Variants in DCLK1 observed in about 807,000 individuals in gnomAD.
DCLK1 encodes the protein doublecortin like kinase 1.
Under a neutral mutation model 86.2 loss-of-function variants are expected in DCLK1, and 16 were observed. The ratio of observed to expected loss-of-function variants is 0.19; its 90% CI spans 0.13 to 0.28. DCLK1 has a LOEUF of 0.28. Among genes scored for constraint, DCLK1 ranks in the 10% least tolerant of loss-of-function variants. The pLI, the probability that DCLK1 is intolerant of heterozygous loss-of-function variation, is 1.00. For synonymous variants in DCLK1, 369 were observed against 370.5 expected (o/e 1.00, Z 0.05); for missense variants, 590 against 940.2 (o/e 0.63, Z 4.87).
At chr13:35,854,675 A>G in intron 5 of DCLK1, 82 bp from the exon 6 acceptor site, 1 of 1,275,548 alleles carries the variant, frequency 7.8e-7, no homozygotes, top group South Asian at 1.6e-5. Context: ...CAAGAAATAA[A>G]CAATTATATA....
chr13:35,769,503 G>A lies in DCLK1; in HGVS notation c.*5032C>T, dbSNP rs1011399875. On this transcript the variant is annotated 3_prime_UTR_variant, in exon 17 of 17. Transcript: ENST00000360631. ...TATCGAGGATATGACTATAACCTTG[G>A]ACCAGTTTCAATTTCTTTTTATTTT... The A allele has an allele frequency of 6.6e-6, 1 of 151,860 alleles. No individual in the cohort carries two copies. Among genetic ancestry groups the A allele is most frequent in the Non-Finnish European group, 1.5e-5 (1 of 67,972 alleles). 9.4% of individuals were successfully genotyped at this position (151,860 alleles called of 1,614,324 possible).
At chr13:36,117,050 C>T (rs931921991) in intron 2 of DCLK1, among the ~76,000 whole-genome samples, 6 of 151,888 alleles carry the variant, frequency 4.0e-5, no homozygotes, top group Non-Finnish European at 7.4e-5. Context: ...AGAAGTCTTC[C>T]GTAACACAAT....
intron 6 of DCLK1, among the ~76,000 whole-genome samples, chr13:35,841,146 G>A (rs1373740672): frequency 6.6e-6 from 1 of 152,172 alleles, no homozygotes; most frequent in Non-Finnish European, 1.5e-5. Context: ...GTGTGGTTTA[G>A]GCTAGCAGGT....
intron 4 of DCLK1, among the ~76,000 whole-genome samples, chr13:35,890,735 T>G (rs1182709179): frequency 2.0e-5 from 3 of 151,946 alleles, no homozygotes; most frequent in Non-Finnish European, 4.4e-5. Flanking sequence ...CTTACCTGTT[T>G]GAGAAAAAAA....
At chr13:36,113,535 G>T (rs565863817) in intron 2 of DCLK1, among the ~76,000 whole-genome samples, 1 of 152,124 alleles carries the variant, frequency 6.6e-6, no homozygotes, top group South Asian at 2.1e-4. Context: ...CCTGAGAAAG[G>T]CATATTTGGG....
intron 4 of DCLK1, among the ~76,000 whole-genome samples, chr13:35,942,402 G>GT (rs1877136499): frequency 6.6e-6 from 1 of 152,066 alleles, no homozygotes; most frequent in Non-Finnish European, 1.5e-5. Flanking sequence ...TCCTGACTTC[G>GT]TGATTCTTCT....
At chr13:36,063,263 AT>A (rs1883625596) in intron 3 of DCLK1, among the ~76,000 whole-genome samples, 1 of 152,128 alleles carries the variant, frequency 6.6e-6, no homozygotes, top group African/African-American at 2.4e-5. Context: ...CTAGATGACC[AT>A]TCTGGAGGTC....
At chr13:35,794,513 C>G (rs1566535489) in intron 15 of DCLK1, among the ~76,000 whole-genome samples, 1 of 152,202 alleles carries the variant, frequency 6.6e-6, no homozygotes, top group African/African-American at 2.4e-5. Flanking sequence ...TCCTTTTGCA[C>G]GAGCTGGTCC....
chr13:35,963,298 A>C (rs1371257678), intron 3 of DCLK1, among the ~76,000 whole-genome samples: 1 of 152,256 alleles, frequency 6.6e-6, no homozygotes, highest in Non-Finnish European at 1.5e-5. Flanking sequence ...CGCTTGAGAC[A>C]CTAAAAACCA....
intron 3 of DCLK1, among the ~76,000 whole-genome samples, chr13:36,111,207 A>G (rs1234397710): frequency 6.6e-6 from 1 of 152,162 alleles, no homozygotes; most frequent in Non-Finnish European, 1.5e-5. Context: ...CACCCAAGAC[A>G]ATAAAAGGTG....
At chr13:35,862,701 A>G (rs776891811) in intron 5 of DCLK1, among the ~76,000 whole-genome samples, 5 of 152,200 alleles carry the variant, frequency 3.3e-5, no homozygotes, top group Non-Finnish European at 5.9e-5. Flanking sequence ...TTATTGAACA[A>G]GCAACTATTC....
At chr13:35,982,916 C>T (rs950943185) in intron 3 of DCLK1, among the ~76,000 whole-genome samples, 3 of 151,984 alleles carry the variant, frequency 2.0e-5, no homozygotes, top group African/African-American at 7.3e-5. Context: ...CACCCGCCAC[C>T]ACACCTGGCT....
intron 16 of DCLK1, among the ~76,000 whole-genome samples, chr13:35,775,090 T>C (rs949282788): frequency 3.3e-5 from 5 of 152,166 alleles, no homozygotes; most frequent in Non-Finnish European, 7.3e-5. Flanking sequence ...GCAACTTCAA[T>C]TAACATGCAG....
intron 3 of DCLK1, among the ~76,000 whole-genome samples, chr13:36,053,845 T>C (rs1883207474): frequency 6.6e-6 from 1 of 151,982 alleles, no homozygotes. Context: ...AGATGAGATC[T>C]GGTGTTACCC....
intron 5 of DCLK1, among the ~76,000 whole-genome samples, chr13:35,870,038 C>A (rs981014070): frequency 1.8e-4 from 28 of 152,192 alleles, no homozygotes; most frequent in African/African-American, 6.8e-4. Flanking sequence ...TCTATCCTAT[C>A]TACATGAGCA....
intron 8 of DCLK1, among the ~76,000 whole-genome samples, chr13:35,834,981 G>A (rs1869253226): frequency 6.6e-6 from 1 of 152,138 alleles, no homozygotes; most frequent in South Asian, 2.1e-4. Flanking sequence ...AGTGACTATT[G>A]GCCAAATGAA....
In DCLK1 at chr13:35,845,821, A is replaced by G. The variant is rs969291876; in HGVS notation, c.1036-6645T>C. 6.0e-6 allele frequency: 4 copies of G among 662,796 alleles called. No homozygotes were observed. The South Asian group carries it at 2.0e-4, about 34-fold the overall frequency. The allele number at this position is 662,796 out of a possible 1,614,324, so 41.1% of individuals were successfully genotyped here. ...TGCCATACACGTGATTGTGAAGGTC[A>G]CCCTTATCCCACATGTGGTCATTTC... On this transcript the variant is annotated intron_variant, in intron 6 of 16. Coordinates refer to ENST00000360631, the MANE Select transcript of DCLK1 (RefSeq NM_001330071.2).
In DCLK1 at chr13:35,773,105, G is replaced by A. The variant is rs916915148; in HGVS notation, c.*1430C>T. 2 of 152,240 alleles carry A rather than the reference G, an allele frequency of 1.3e-5. No individual in the cohort carries two copies. The highest frequency in any genetic ancestry group is 4.8e-5 in the African/African-American group (2 of 41,416). The allele number at this position is 152,240 out of a possible 1,614,324, so 9.4% of individuals were successfully genotyped here. ...CAGGAGAATCCTCTCTGAGCACTGT[G>A]GTGATGCACAGAACCTGTGAATCCC... On this transcript the variant is annotated 3_prime_UTR_variant, in exon 17 of 17. Coordinates refer to ENST00000360631, the MANE Select transcript of DCLK1 (RefSeq NM_001330071.2).
intron 16 of DCLK1, among the ~76,000 whole-genome samples, chr13:35,776,742 T>G (rs1346592615): frequency 6.6e-6 from 1 of 152,228 alleles, no homozygotes; most frequent in African/African-American, 2.4e-5. Flanking sequence ...AGAAAAGCAA[T>G]GTGCACAAAG....
Sources: gnomAD v4.1 joint callset for allele counts (sites outside exome capture counted in the v4.1 genomes callset) on GRCh38, gnomAD v4.1.1 for gene constraint, MANE v1.5 for transcripts, NCBI Gene and HGNC (gene_info 2026-07-23, HGNC 2026-07-21) for gene names.